GUCY1B1: variants seen among roughly 807,000 people sequenced by gnomAD.
GUCY1B1 encodes guanylate cyclase 1 soluble subunit beta 1, also known as guanylate cyclase soluble subunit beta-1.
GUCY1B1 carries 43 observed loss-of-function variants against 71.0 expected under a neutral mutation model. That is an observed-to-expected ratio of 0.61 (90% CI 0.47 to 0.78). The LOEUF (loss-of-function observed/expected upper bound fraction) is 0.78, where lower values mean the gene tolerates loss of function less well. GUCY1B1 is among the 30% of genes least tolerant of loss of function. GUCY1B1 has a pLI of 0.00. For missense variants in GUCY1B1, 535 were observed against 754.1 expected, an observed-to-expected ratio of 0.71 and a Z score of 3.40; for synonymous variants, 266 against 259.7, an observed-to-expected ratio of 1.02 and a Z score of -0.23.
intron 9 of GUCY1B1, among the ~76,000 whole-genome samples, 156 bp downstream of exon 9, chr4:155,800,230 C>A (rs551188880): frequency 9.2e-5 from 14 of 152,236 alleles, no homozygotes; most frequent in Admixed American, 2.6e-4. Context: ...AGAAATTATG[C>A]TTAAGGAAAT....
intron 2 of GUCY1B1, 85 bp downstream of exon 2, chr4:155,759,945 T>TGGCC (rs1736858793): frequency 1.0e-6 from 1 of 990,324 alleles, no homozygotes; most frequent in African/African-American, 1.6e-5. Context: ...CTCAGCCTGC[T>TGGCC]GGCCGGGTCG....
chr4:155,769,261 G>A (rs1485448453), intron 2 of GUCY1B1, among the ~76,000 whole-genome samples: 2 of 152,128 alleles, frequency 1.3e-5, no homozygotes, highest in African/African-American at 4.8e-5. Context: ...AACTGCACAT[G>A]GGATTGGCTT....
At chr4:155,782,874 A>G (rs1387116617) in intron 4 of GUCY1B1, among the ~76,000 whole-genome samples, 1 of 152,164 alleles carries the variant, frequency 6.6e-6, no homozygotes, top group Non-Finnish European at 1.5e-5. Flanking sequence ...ACTGGCAGAT[A>G]GCAGTTCTAG....
At chr4:155,759,759 A>G (rs1408223118) in intron 1 of GUCY1B1, 28 bp from the exon 2 acceptor site, 2 of 1,577,890 alleles carry the variant, frequency 1.3e-6, no homozygotes, top group East Asian at 4.5e-5. Flanking sequence ...CGGGTCCCTG[A>G]CGCTCAAGTC....
intron 4 of GUCY1B1, among the ~76,000 whole-genome samples, chr4:155,788,775 CAT>C (rs1184601836): frequency 6.6e-6 from 1 of 152,126 alleles, no homozygotes; most frequent in Non-Finnish European, 1.5e-5. Flanking sequence ...TATTTAAACC[CAT>C]GTCTACTTGA....
chr4:155,790,095 T>G (rs2111109142), intron 5 of GUCY1B1, among the ~76,000 whole-genome samples, 184 bp downstream of exon 5: 1 of 152,284 alleles, frequency 6.6e-6, no homozygotes, highest in Non-Finnish European at 1.5e-5. Flanking sequence ...TACAGGATAT[T>G]TTTTTCCTTC....
In GUCY1B1 at chr4:155,807,674, C is replaced by A. The variant is rs1740407456; in HGVS notation, c.*1265C>A. On this transcript the variant is annotated 3_prime_UTR_variant, in exon 14 of 14. Coordinates refer to ENST00000264424, the MANE Select transcript of GUCY1B1 (RefSeq NM_000857.5). ...GCCATTATTTTGTAAATACATTTTA[C>A]AATTTTGCCTATTTGCTACCATTAT... is the stretch of plus-strand genomic sequence containing the variant. 6.6e-6 allele frequency: 1 copy of A among 151,886 alleles called. No homozygotes were observed. Among genetic ancestry groups the A allele is most frequent in the Non-Finnish European group, 1.5e-5 (1 of 67,964 alleles). 9.4% of individuals were successfully genotyped at this position (151,886 alleles called of 1,614,324 possible).
chr4:155,790,004 A>C, intron 5 of GUCY1B1, 93 bp downstream of exon 5: 1 of 810,466 alleles, frequency 1.2e-6, no homozygotes, highest in Non-Finnish European at 2.0e-6. Context: ...TATCACTGTT[A>C]GTGCTCTTCC....
At chr4:155,796,808 T>C (rs188537054) in intron 8 of GUCY1B1, among the ~76,000 whole-genome samples, 4 of 152,316 alleles carry the variant, frequency 2.6e-5, no homozygotes, top group South Asian at 4.1e-4. Flanking sequence ...GTTTTGGACC[T>C]TCAAAATAGG....
intron 5 of GUCY1B1, 49 bp downstream of exon 5, chr4:155,789,960 A>AT: frequency 2.5e-6 from 3 of 1,196,498 alleles, no homozygotes; most frequent in Non-Finnish European, 3.6e-6. Context: ...ATCTAAAAAT[A>AT]TTTTAAATGA....
At chr4:155,776,536 G>A (rs1035629288) in intron 3 of GUCY1B1, among the ~76,000 whole-genome samples, 5 of 152,078 alleles carry the variant, frequency 3.3e-5, no homozygotes, top group Admixed American at 2.6e-4. Flanking sequence ...CAGGTGTGGT[G>A]GTGGGTTCCT....
chr4:155,805,111 T>A lies in GUCY1B1; in HGVS notation c.1718T>A (p.Met573Lys). 6.2e-7 allele frequency: 1 copy of A among 1,611,968 alleles called. No homozygotes were observed. The highest frequency in any genetic ancestry group is 1.1e-5 in the South Asian group (1 of 90,998). Reference sequence around the variant, plus strand: ...CTTCCCTTGTCTTTTAGATGTCTTATGTCTCCAGAAAATTCAGATCCACAA... The same window carrying A: ...CTTCCCTTGTCTTTTAGATGTCTTAAGTCTCCAGAAAATTCAGATCCACAA... ...NVSEYTYRCL[M>K]SPENSDPQFH... Residue 573 changes from methionine to lysine, a missense_variant, in exon 13 of 14, where the codon ATG becomes AAG. Coordinates refer to ENST00000264424, the MANE Select transcript of GUCY1B1 (RefSeq NM_000857.5).
At chr4:155,804,475 C>T (rs975846110) in intron 11 of GUCY1B1, 118 bp from the exon 12 acceptor site, 33 of 725,992 alleles carry the variant, frequency 4.5e-5, no homozygotes, top group Admixed American at 1.7e-4. Flanking sequence ...CACATATATA[C>T]CTATGTAACA....
intron 11 of GUCY1B1, among the ~76,000 whole-genome samples, chr4:155,804,092 A>T (rs1028999352): frequency 1.3e-5 from 2 of 152,160 alleles, no homozygotes; most frequent in East Asian, 3.9e-4. Flanking sequence ...CAGACTTCAA[A>T]TGTTTCTCTT....
Position 155,796,404 on chromosome 4 carries a change from G to A in GUCY1B1, c.871G>A (p.Glu291Lys). Residue 291 changes from glutamate to lysine, a missense_variant, in exon 8 of 14, where the codon GAA becomes AAA. By Grantham distance (56) the Glu-to-Lys change is moderately conservative. Transcript: ENST00000264424. ...AGGATTGTTGGATGTGGAGAAATTAGAATGTGAGGATGAACTGACTGGGAC... is the reference window on the plus strand; with the variant it reads ...AGGATTGTTGGATGTGGAGAAATTAAAATGTGAGGATGAACTGACTGGGAC... ...KEGLLDVEKL[E>K]CEDELTGTEI... is the part of the protein sequence containing the mutation. 6.2e-7 allele frequency: 1 copy of A among 1,613,512 alleles called. No homozygotes were observed.
At chr4:155,786,468 T>C (rs1220847165) in intron 4 of GUCY1B1, among the ~76,000 whole-genome samples, 1 of 109,328 alleles carries the variant, frequency 9.1e-6, no homozygotes, top group African/African-American at 3.5e-5. Context: ...TTTCTTTTTT[T>C]TTTTTTTTTT....
chr4:155,807,000 G>T lies in GUCY1B1; in HGVS notation c.*591G>T, dbSNP rs1310382981. 1 of 152,128 alleles carries T rather than the reference G, an allele frequency of 6.6e-6. No homozygotes were observed. Among genetic ancestry groups the T allele is most frequent in the African/African-American group, 2.4e-5 (1 of 41,444 alleles). 9.4% of individuals were successfully genotyped at this position (152,128 alleles called of 1,614,324 possible). On this transcript the variant is annotated 3_prime_UTR_variant, in exon 14 of 14. Coordinates refer to ENST00000264424, the MANE Select transcript of GUCY1B1 (RefSeq NM_000857.5). ...CTAAGAAAATAGTGACTATTTTGAA[G>T]TATGCTACTTCCCTTTCAGAAATAT...
intron 2 of GUCY1B1, among the ~76,000 whole-genome samples, chr4:155,763,013 T>C (rs1175885124): frequency 6.6e-6 from 1 of 152,190 alleles, no homozygotes; most frequent in East Asian, 1.9e-4. Context: ...AGGCTATGAT[T>C]TCTAAGTAAT....
At position 155,789,817 on chromosome 4, in the gene GUCY1B1, A is replaced by G; in HGVS notation, c.401A>G (p.His134Arg). The G allele has an allele frequency of 6.2e-7, 1 of 1,608,114 alleles. No homozygotes were observed. The highest frequency in any genetic ancestry group is 8.5e-7 in the Non-Finnish European group (1 of 1,174,574). ...DAEKGKGLIL[H>R]YYSEREGLQD... Reference sequence around the variant, plus strand: ...GAAAAGGGCAAAGGACTCATTTTGCACTACTACTCAGAGAGAGAAGGACTT... The same window carrying G: ...GAAAAGGGCAAAGGACTCATTTTGCGCTACTACTCAGAGAGAGAAGGACTT... Residue 134 changes from histidine to arginine, a missense_variant, in exon 5 of 14, where the codon CAC becomes CGC. Coordinates refer to ENST00000264424, the MANE Select transcript of GUCY1B1 (RefSeq NM_000857.5).
Sources: allele counts gnomAD v4.1 joint callset (sites outside exome capture counted in the v4.1 genomes callset), GRCh38; gene constraint gnomAD v4.1.1; transcripts MANE v1.5; gene names NCBI Gene and HGNC (gene_info 2026-07-23, HGNC 2026-07-21).